The following NBEA variants were observed in gnomAD, a reference collection of about 807,000 sequenced individuals.
The protein encoded by NBEA is neurobeachin.
NBEA carries 44 observed loss-of-function variants against 343.4 expected under a neutral mutation model. The observed-to-expected ratio is 0.13, with a 90% confidence interval of 0.10 to 0.16. NBEA has a LOEUF of 0.16. Among genes scored for constraint, NBEA ranks in the 10% least tolerant of loss-of-function variants. The pLI is 1.00. For synonymous variants in NBEA, 1,175 were observed against 1,238.7 expected (o/e 0.95, Z 1.08); for missense variants, 2,555 against 3,631.3 (o/e 0.70, Z 7.62).
intron 27 of NBEA, among the ~76,000 whole-genome samples, chr13:35,176,540 T>G (rs949496126): frequency 2.0e-5 from 3 of 152,048 alleles, no homozygotes; most frequent in Non-Finnish European, 2.9e-5. Context: ...GACTGATTCT[T>G]TTTAATCTTA....
intron 8 of NBEA, among the ~76,000 whole-genome samples, chr13:35,061,528 A>G (rs1294935428): frequency 6.6e-6 from 1 of 151,712 alleles, no homozygotes; most frequent in Non-Finnish European, 1.5e-5. Context: ...TATAGTTATT[A>G]CTAGATATTT....
chr13:35,517,626 A>C (rs1262418851), intron 41 of NBEA, among the ~76,000 whole-genome samples: 1 of 152,112 alleles, frequency 6.6e-6, no homozygotes, highest in Admixed American at 6.6e-5. Flanking sequence ...TGGCAGATCA[A>C]CCATCCTTCA....
chr13:35,025,175 T>A (rs1278148859), intron 1 of NBEA, among the ~76,000 whole-genome samples: 3 of 152,218 alleles, frequency 2.0e-5, no homozygotes, highest in African/African-American at 4.8e-5. Context: ...GCTCTTTAGT[T>A]TAATTAAGTC....
intron 40 of NBEA, among the ~76,000 whole-genome samples, chr13:35,459,937 A>C (rs898700542): frequency 2.6e-5 from 4 of 152,214 alleles, no homozygotes. Context: ...TGTTCAGTGC[A>C]GATAGACTCA....
chr13:35,001,486 G>A (rs2061138892), intron 1 of NBEA, among the ~76,000 whole-genome samples: 1 of 151,970 alleles, frequency 6.6e-6, no homozygotes, highest in Non-Finnish European at 1.5e-5. Flanking sequence ...AATACTATTC[G>A]GCTATAAAAA....
At chr13:34,954,044 C>T (rs1765586620) in intron 1 of NBEA, among the ~76,000 whole-genome samples, 4 of 152,188 alleles carry the variant, frequency 2.6e-5, no homozygotes, top group Admixed American at 2.6e-4. Context: ...AATTGTCTTC[C>T]ATGAAACTGG....
chr13:35,452,946 T>C (rs1468216030), intron 40 of NBEA, among the ~76,000 whole-genome samples: 1 of 152,154 alleles, frequency 6.6e-6, no homozygotes, highest in Non-Finnish European at 1.5e-5. Context: ...CAGAAACCAG[T>C]CCATGGAATC....
chr13:35,079,930 T>C (rs1052782500), intron 10 of NBEA, among the ~76,000 whole-genome samples: 1 of 152,166 alleles, frequency 6.6e-6, no homozygotes, highest in Admixed American at 6.6e-5. Context: ...CAAGACATAC[T>C]GCATGGCTTG....
chr13:35,258,834 T>A (rs1280768296), intron 34 of NBEA, among the ~76,000 whole-genome samples: 1 of 152,204 alleles, frequency 6.6e-6, no homozygotes, highest in Admixed American at 6.5e-5. Context: ...GTGGAAACTG[T>A]ACTTCAGTAC....
chr13:35,043,796 GTTA>G (rs2062745333), intron 2 of NBEA, among the ~76,000 whole-genome samples: 1 of 151,774 alleles, frequency 6.6e-6, no homozygotes, highest in Admixed American at 6.6e-5. Context: ...TCAAATTCCA[GTTA>G]TTAATCTGTG....
At chr13:35,048,517 C>T (rs1489448373) in intron 4 of NBEA, 46 bp from the exon 5 acceptor site, 4 of 1,557,838 alleles carry the variant, frequency 2.6e-6, no homozygotes, top group Non-Finnish European at 2.6e-6. Flanking sequence ...GCTACTATCA[C>T]ATTTCTTTAA....
intron 36 of NBEA, among the ~76,000 whole-genome samples, chr13:35,323,848 A>G (rs372616036): frequency 1.3e-5 from 2 of 152,200 alleles, no homozygotes; most frequent in East Asian, 1.9e-4. Flanking sequence ...AAGTGAATCA[A>G]TGAGAAAGTT....
rs1467605971 is a variant in NBEA at position 35,159,306 on chromosome 13, A to G, written c.3135A>G (p.Gly1045=). 1.2e-6 allele frequency: 2 copies of G among 1,613,474 alleles called. No individual in the cohort carries two copies. Among genetic ancestry groups the G allele is most frequent in the Non-Finnish European group, 1.7e-6 (2 of 1,179,688 alleles). Residue 1045 remains glycine, a synonymous_variant, in exon 22 of 59, where the codon GGA becomes GGG. Transcript: ENST00000379939. The part of the protein sequence containing the change: ...DDILGNSDRP[G]SGVHVEVHDL... ...TTCTTGGAAATTCAGATAGACCAGGAAGTGGTGTACATGTGGAAGTACATG... is the reference window on the plus strand; with the variant it reads ...TTCTTGGAAATTCAGATAGACCAGGGAGTGGTGTACATGTGGAAGTACATG...
At chr13:35,247,568 G>A (rs2031391478) in intron 34 of NBEA, among the ~76,000 whole-genome samples, 1 of 152,098 alleles carries the variant, frequency 6.6e-6, no homozygotes, top group Non-Finnish European at 1.5e-5. Flanking sequence ...CCCAGTGAGG[G>A]TGTGCATTCA....
intron 44 of NBEA, among the ~76,000 whole-genome samples, chr13:35,566,279 T>G (rs2080132503): frequency 6.6e-6 from 1 of 152,146 alleles, no homozygotes; most frequent in Admixed American, 6.5e-5. Flanking sequence ...GAGAATCGCT[T>G]GAACCCGGGA....
intron 28 of NBEA, 75 bp downstream of exon 28, chr13:35,177,178 G>C: frequency 2.6e-6 from 3 of 1,165,402 alleles, no homozygotes; most frequent in Non-Finnish European, 3.7e-6. Flanking sequence ...TTATAAGAAA[G>C]CTGCTTATGA....
intron 34 of NBEA, among the ~76,000 whole-genome samples, chr13:35,264,774 G>A (rs2033525279): frequency 1.3e-5 from 2 of 151,784 alleles, no homozygotes; most frequent in Admixed American, 6.6e-5. Context: ...TGACAAACAC[G>A]ACTAGCATCA....
In NBEA at chr13:35,409,743, G is replaced by A. The variant is rs532901998; in HGVS notation, c.6180-22526G>A. ...AGTGAGCAATACAGGGGAAAAGGAA[G>A]GCAGAAGGTAGCAGAAACTACAAAG... On this transcript the variant is annotated intron_variant, in intron 38 of 58. Coordinates refer to ENST00000379939, the MANE Select transcript of NBEA (RefSeq NM_001385012.1). Among the ~76,000 whole-genome samples, 25 of 152,246 alleles carry A rather than the reference G, an allele frequency of 1.6e-4. No homozygotes were observed. In the East Asian group the frequency reaches 4.2e-3, roughly 26 times the overall value.
At chr13:35,609,635 A>G (rs2082417266) in intron 48 of NBEA, among the ~76,000 whole-genome samples, 1 of 152,208 alleles carries the variant, frequency 6.6e-6, no homozygotes, top group Non-Finnish European at 1.5e-5. Context: ...TTCTCATTAT[A>G]GTTATTTAAG....
Sources: gnomAD v4.1 joint callset for allele counts (sites outside exome capture counted in the v4.1 genomes callset) on GRCh38, gnomAD v4.1.1 for gene constraint, MANE v1.5 for transcripts, NCBI Gene and HGNC (gene_info 2026-07-23, HGNC 2026-07-21) for gene names.